BTBD8: variants seen among roughly 807,000 people sequenced by gnomAD.
BTBD8 encodes BTB domain containing 8.
In BTBD8, 110 loss-of-function variants were observed where a neutral mutation model predicts 162.9. That is an observed-to-expected ratio of 0.68 (90% CI 0.58 to 0.79). BTBD8 has a LOEUF of 0.79. Among genes scored for constraint, BTBD8 ranks in the 30% least tolerant of loss-of-function variants. The pLI, the probability that BTBD8 is intolerant of heterozygous loss-of-function variation, is 0.00. For missense variants in BTBD8, 1,905 were observed against 2,085.4 expected, an observed-to-expected ratio of 0.91 and a Z score of 1.68; for synonymous variants, 667 against 716.1, an observed-to-expected ratio of 0.93 and a Z score of 1.10.
chr1:92,082,141 C>A (rs1489454349), intron 1 of BTBD8, among the ~76,000 whole-genome samples: 3 of 152,114 alleles, frequency 2.0e-5, no homozygotes, highest in African/African-American at 7.2e-5. Context: ...TTATCCTTAT[C>A]TTAGTTACAA....
rs74331969 is a variant in BTBD8 at position 92,112,637 on chromosome 1, G to A, written c.662+4636G>A. On this transcript the variant is annotated intron_variant, in intron 4 of 17. Transcript: ENST00000636805. ...AACAACTATTAGTCCAAATTTTGTC[G>A]GATAATAGAGTATCCATGGCACTTA... 1.8e-4 allele frequency among the ~76,000 whole-genome samples: 27 copies of A among 151,870 alleles called. 1 individual carries two copies. Among genetic ancestry groups the A allele is most frequent in the South Asian group, 8.3e-4 (4 of 4,794 alleles).
At position 92,134,894 on chromosome 1, in the gene BTBD8, A is replaced by AT. The variant is rs1553123593; in HGVS notation, c.753-4456_753-4455insT. 9.8e-3 allele frequency among the ~76,000 whole-genome samples: 713 copies of AT among 72,552 alleles called. 3 individuals are homozygous for AT. Among genetic ancestry groups the AT allele is most frequent in the African/African-American group, 0.064 (684 of 10,644 alleles). The allele number at this position is 72,552 out of a possible 152,430, so 47.6% of individuals were successfully genotyped here. A position where few individuals can be genotyped will look rare whatever the true frequency, so the allele number is the denominator to read the frequency against. On this transcript the variant is annotated intron_variant, in intron 5 of 17. Transcript: ENST00000636805. The stretch of plus-strand genomic sequence containing the variant: ...ATTTTATTTAATTAATTAATTAATT[A>AT]ATTTTTTTTTTTTTTAGACAGAATT...
intron 4 of BTBD8, chr1:92,114,917 C>T: frequency 3.2e-6 from 1 of 309,920 alleles, no homozygotes; most frequent in South Asian, 3.4e-5. Flanking sequence ...ATGCCAGCCC[C>T]AGCACTGAAG....
rs1170934106 is a variant in BTBD8 at position 92,180,702 on chromosome 1, TC to T, written c.3021del (p.Cys1008AlafsTer9). 6.4e-7 allele frequency: 1 copy of T among 1,551,398 alleles called. No individual in the cohort carries two copies. Among genetic ancestry groups the T allele is most frequent in the African/African-American group, 1.4e-5 (1 of 73,000 alleles). ...AAGTGATGCAGAAGCACTCCAGTCA[TC>T]CTGCAGGCCTGACCCACAAAAGCCA... ...EISDAEALQS[S>X]CRPDPQKPLN... On this transcript the variant is annotated frameshift_variant, in exon 17 of 18. Transcript: ENST00000636805. LOFTEE classifies it high-confidence loss of function.
intron 9 of BTBD8, among the ~76,000 whole-genome samples, chr1:92,166,049 T>C (rs1347300040): frequency 1.3e-5 from 2 of 152,236 alleles, no homozygotes; most frequent in Non-Finnish European, 2.9e-5. Context: ...CTTTTTTCCT[T>C]TTCTGTGGAG....
In BTBD8 at chr1:92,182,535, G is replaced by GAGAAAT; in HGVS notation, c.4852_4853insAGAAAT (p.Gly1618delinsGluLysCys). On this transcript the variant is annotated protein_altering_variant, in exon 17 of 18. Coordinates refer to ENST00000636805, the MANE Select transcript of BTBD8 (RefSeq NM_001376131.1). ...TCGGAGTCAAGTTCTGCCTCAGGAA[G>GAGAAAT]GTCCAGTGAAAGAGAGCCATTCTAC... The GAGAAAT allele has an allele frequency of 6.5e-7, 1 of 1,537,604 alleles. No homozygotes were observed. Among genetic ancestry groups the GAGAAAT allele is most frequent in the Non-Finnish European group, 8.7e-7 (1 of 1,143,318 alleles).
intron 4 of BTBD8, chr1:92,125,808 G>A (rs1649339683): frequency 2.5e-6 from 1 of 407,600 alleles, no homozygotes; most frequent in Non-Finnish European, 4.8e-6. Flanking sequence ...TCACTGGAGA[G>A]AGACAGTGAT....
intron 4 of BTBD8, among the ~76,000 whole-genome samples, chr1:92,122,320 G>A (rs779129955): frequency 1.7e-4 from 25 of 150,362 alleles, no homozygotes; most frequent in Admixed American, 1.1e-3. Flanking sequence ...GTGCAGTGGT[G>A]CAATCTCGGC....
rs113055017 is a variant in BTBD8, at chr1:92,080,369, G to T, written c.-203G>T. On this transcript the variant is annotated 5_prime_UTR_variant, in exon 1 of 18. Transcript: ENST00000636805. ...TCTTCCTGGGTCAAGAGCCGGCTCG[G>T]TTCTGGGATTCTGAGGCTCCCCACC... 1 of 689,640 alleles carries T rather than the reference G, an allele frequency of 1.5e-6. No individual in the cohort carries two copies. 42.7% of individuals were successfully genotyped at this position (689,640 alleles called of 1,614,324 possible). A position where few individuals can be genotyped will look rare whatever the true frequency, so the allele number is the denominator to read the frequency against.
chr1:92,168,276 C>T (rs1310867320), intron 11 of BTBD8, among the ~76,000 whole-genome samples: 1 of 151,926 alleles, frequency 6.6e-6, no homozygotes, highest in African/African-American at 2.4e-5. Context: ...GCATAACTCT[C>T]GTATTTCTCC....
intron 6 of BTBD8, 78 bp downstream of exon 6, chr1:92,139,508 T>C: frequency 6.5e-7 from 1 of 1,529,298 alleles, no homozygotes; most frequent in Non-Finnish European, 8.7e-7. Flanking sequence ...AAAGTGTTAA[T>C]GAAGTAGAAA....
At chr1:92,113,038 G>A (rs939799993) in intron 4 of BTBD8, among the ~76,000 whole-genome samples, 4 of 152,114 alleles carry the variant, frequency 2.6e-5, no homozygotes, top group Non-Finnish European at 5.9e-5. Flanking sequence ...GCAGCAAGGC[G>A]GAAATTAGGG....
In BTBD8 at chr1:92,080,535, A is replaced by G; in HGVS notation, c.-37A>G. On this transcript the variant is annotated 5_prime_UTR_variant, in exon 1 of 18. Coordinates refer to ENST00000636805, the MANE Select transcript of BTBD8 (RefSeq NM_001376131.1). ...CTCCTGGGCGGGGCAAGTGAGGCCA[A>G]GTACTGGGCCTCCAGGGCGTCGTAC... is the stretch of plus-strand genomic sequence containing the variant. 1 of 1,607,470 alleles carries G rather than the reference A, an allele frequency of 6.2e-7. No individual in the cohort carries two copies. Among genetic ancestry groups the G allele is most frequent in the Non-Finnish European group, 8.5e-7 (1 of 1,178,158 alleles).
chr1:92,161,213 A>G (rs74102844), intron 9 of BTBD8, among the ~76,000 whole-genome samples: 4,404 of 152,274 alleles, frequency 0.029, 168 homozygotes, highest in African/African-American at 0.085. Context: ...TGGGAGAAGG[A>G]GGGTTTAGGG....
intron 10 of BTBD8, 30 bp from the exon 11 acceptor site, chr1:92,167,818 C>T: frequency 2.0e-6 from 3 of 1,524,630 alleles, no homozygotes; most frequent in Non-Finnish European, 2.7e-6. Context: ...ATATGTATTC[C>T]TCTTAAATAT....
At chr1:92,168,291 T>C (rs1287188102) in intron 11 of BTBD8, among the ~76,000 whole-genome samples, 1 of 152,074 alleles carries the variant, frequency 6.6e-6, no homozygotes, top group Non-Finnish European at 1.5e-5. Flanking sequence ...TTCTCCCTGG[T>C]CCTACAGTAA....
At chr1:92,108,856 A>G (rs1042406275) in intron 4 of BTBD8, among the ~76,000 whole-genome samples, 1 of 152,260 alleles carries the variant, frequency 6.6e-6, no homozygotes, top group African/African-American at 2.4e-5. Context: ...AGAAAGAGCC[A>G]GAGTATTTGC....
At chr1:92,084,471 C>T (rs944453282) in intron 1 of BTBD8, among the ~76,000 whole-genome samples, 2 of 152,160 alleles carry the variant, frequency 1.3e-5, no homozygotes, top group African/African-American at 4.8e-5. Flanking sequence ...GGAACACAGG[C>T]TGTAAAGGGG....
intron 6 of BTBD8, among the ~76,000 whole-genome samples, chr1:92,140,229 C>T (rs1649743670): frequency 6.6e-6 from 1 of 150,480 alleles, no homozygotes; most frequent in Admixed American, 6.7e-5. Flanking sequence ...CGAGATCTGC[C>T]TGGGACTGTA....
Sources: allele counts gnomAD v4.1 joint callset (sites outside exome capture counted in the v4.1 genomes callset), GRCh38; gene constraint gnomAD v4.1.1; transcripts MANE v1.5; gene names NCBI Gene and HGNC (gene_info 2026-07-23, HGNC 2026-07-21).